Variants in KNOP1 observed in about 807,000 individuals in gnomAD.
KNOP1 encodes the protein lysine-rich nucleolar protein 1.
KNOP1 carries 20 observed loss-of-function variants against 30.6 expected under a neutral mutation model. The observed-to-expected ratio is 0.65, with a 90% confidence interval of 0.46 to 0.95. The LOEUF (loss-of-function observed/expected upper bound fraction) is 0.95, where lower values mean the gene tolerates loss of function less well. KNOP1 is among the 40% of genes least tolerant of loss of function. The pLI is 0.00. For synonymous variants in KNOP1, 204 were observed against 210.0 expected (o/e 0.97, Z 0.25); for missense variants, 540 against 562.0 (o/e 0.96, Z 0.40).
chr16:19,714,883 C>T lies in KNOP1; in HGVS notation c.153G>A (p.Lys51=). The change falls in exon 2 of 5, where the codon AAG becomes AAA. Residue 51 remains lysine (K), a synonymous_variant. Coordinates refer to ENST00000219837, the MANE Select transcript of KNOP1 (RefSeq NM_001012991.3). Reference sequence around the variant, plus strand: ...CAGGTGCCTGCCCATGGGCCACACTCTTAGAGGGGGATGTAGCTCTTAAAG... The same window carrying T: ...CAGGTGCCTGCCCATGGGCCACACTTTTAGAGGGGGATGTAGCTCTTAAAG... ...VSPLRATSPS[K]SVAHGQAPEM... is the part of the protein sequence containing the mutation. 1 of 1,613,938 alleles carries T rather than the reference C, an allele frequency of 6.2e-7. No individual in the cohort carries two copies. The highest frequency in any genetic ancestry group is 8.5e-7 in the Non-Finnish European group (1 of 1,179,980).
In KNOP1 at chr16:19,709,810, G is replaced by C. The variant is rs111692432; in HGVS notation, c.1065+699C>G. ...CAGCCCCTCTCCAGCTCACTGTTCT[G>C]TTTCTTTCTCCTGACCGCTACTGCC... On this transcript the variant is annotated intron_variant, in intron 4 of 4. Coordinates refer to ENST00000219837, the MANE Select transcript of KNOP1 (RefSeq NM_001012991.3). Among the ~76,000 whole-genome samples, 80 of 152,296 alleles carry C rather than the reference G, an allele frequency of 5.3e-4. 1 individual carries two copies. Among genetic ancestry groups the C allele is most frequent in the African/African-American group, 1.9e-3 (77 of 41,564 alleles).
Position 19,714,782 on chromosome 16 carries a change from T to C in KNOP1, c.254A>G (p.Glu85Gly). 6.2e-7 allele frequency: 1 copy of C among 1,614,212 alleles called. No homozygotes were observed. Among genetic ancestry groups the C allele is most frequent in the Admixed American group, 1.7e-5 (1 of 60,026 alleles). The change falls in exon 2 of 5, where the codon GAG becomes GGG. Residue 85 changes from glutamate (E) to glycine (G), a missense_variant. Coordinates refer to ENST00000219837, the MANE Select transcript of KNOP1 (RefSeq NM_001012991.3). ...STLCEEHVEP[E>G]TTLPARRTEK... ...TGTCCGTCTAGCAGGCAGCGTGGTC[T>C]CAGGTTCTACATGCTCCTCGCAAAG...
Position 19,710,509 on chromosome 16 carries a change from C to A in KNOP1, c.1065G>T (p.Thr355=). 1.2e-6 allele frequency: 2 copies of A among 1,613,094 alleles called. No homozygotes were observed. Among genetic ancestry groups the A allele is most frequent in the Non-Finnish European group, 1.7e-6 (2 of 1,180,014 alleles). Residue 355 remains threonine, a splice_region_variant and synonymous_variant, in exon 4 of 5, where the codon ACG becomes ACT. Transcript: ENST00000219837. ...CGCAGAGCCCTAGCCCCAAACTTAC[C>A]GTCCACTTCCTGGTTTCAGAAGCTT... The part of the protein sequence containing the change: ...KTEASETRKW[T]GTQFGQWDTA...
Position 19,704,523 on chromosome 16 carries a change from A to G in KNOP1, c.*2387T>C, listed in dbSNP as rs543591144. The G allele has an allele frequency of 2.0e-5, 3 of 152,246 alleles. No individual in the cohort carries two copies. Among genetic ancestry groups the G allele is most frequent in the Non-Finnish European group, 4.4e-5 (3 of 68,048 alleles). The allele number at this position is 152,246 out of a possible 1,614,324, so 9.4% of individuals were successfully genotyped here. A position where few individuals can be genotyped will look rare whatever the true frequency, so the allele number is the denominator to read the frequency against. On this transcript the variant is annotated 3_prime_UTR_variant, in exon 5 of 5. Transcript: ENST00000219837. ...CAAGAATCGCTTGAACCCAGGAAGCAGAGGTTACAATGAGCCGAGATCACG... is the reference window on the plus strand; with the variant it reads ...CAAGAATCGCTTGAACCCAGGAAGCGGAGGTTACAATGAGCCGAGATCACG...
At chr16:19,711,461 G>A in intron 2 of KNOP1, 21 bp from the exon 3 acceptor site, 1 of 1,613,206 alleles carries the variant, frequency 6.2e-7, no homozygotes, top group Non-Finnish European at 8.5e-7. Flanking sequence ...GGGCAGAGCT[G>A]GCTAAGGTTC....
intron 4 of KNOP1, among the ~76,000 whole-genome samples, chr16:19,709,782 T>C (rs1240743839): frequency 6.6e-6 from 1 of 152,186 alleles, no homozygotes; most frequent in Non-Finnish European, 1.5e-5. Context: ...CGCCCATCTG[T>C]TGCAGCCCCT....
In KNOP1 at chr16:19,714,148, C is replaced by A; in HGVS notation, c.888G>T (p.Glu296Asp). 1 of 1,613,152 alleles carries A rather than the reference C, an allele frequency of 6.2e-7. No individual in the cohort carries two copies. The highest frequency in any genetic ancestry group is 8.5e-7 in the Non-Finnish European group (1 of 1,179,818). ...TCCAAGGGTCTCCTGCTACCCCACT[C>A]TCTTTCCTCTTCTTCTTTTTCTTCC... Reference protein sequence around the residue: ...LKRKKKKKRKESGVAGDPWKE... With the variant: ...LKRKKKKKRKDSGVAGDPWKE... Residue 296 changes from glutamate (E) to aspartate (D), a missense_variant, in exon 2 of 5, where the codon GAG (glutamate) becomes GAT (aspartate). Coordinates refer to ENST00000219837, the MANE Select transcript of KNOP1 (RefSeq NM_001012991.3).
chr16:19,711,866 C>T (rs1441992924), intron 2 of KNOP1: 1 of 189,892 alleles, frequency 5.3e-6, no homozygotes, highest in African/African-American at 2.3e-5. Context: ...CTCCCACCCG[C>T]CTTGGCCCTG....
At chr16:19,713,197 A>G (rs969408815) in intron 2 of KNOP1, among the ~76,000 whole-genome samples, 2 of 151,988 alleles carry the variant, frequency 1.3e-5, no homozygotes, top group Non-Finnish European at 2.9e-5. Context: ...GGTTTAAGCA[A>G]TTCTCGTGCC....
chr16:19,715,517 T>G (rs1000438223), intron 1 of KNOP1: 5 of 150,576 alleles, frequency 3.3e-5, no homozygotes, highest in Non-Finnish European at 2.9e-5. Context: ...TGGGTTCAAG[T>G]GATTCTCCTG....
rs1976189718 is a variant in KNOP1 at position 19,702,197 on chromosome 16, G to A, written c.*4713C>T. On this transcript the variant is annotated 3_prime_UTR_variant, in exon 5 of 5. Transcript: ENST00000219837. Reference sequence around the variant, plus strand: ...GGGGTTTCTCCATGTTGGTCAGGCTGGTCTAGAACTCCTGACCTCAGGTGA... The same window carrying A: ...GGGGTTTCTCCATGTTGGTCAGGCTAGTCTAGAACTCCTGACCTCAGGTGA... The A allele has an allele frequency of 6.6e-6, 1 of 152,112 alleles. No individual in the cohort carries two copies. The highest frequency in any genetic ancestry group is 1.5e-5 in the Non-Finnish European group (1 of 68,034). 9.4% of individuals were successfully genotyped at this position (152,112 alleles called of 1,614,324 possible).
chr16:19,711,510 A>G (rs1415430059), intron 2 of KNOP1, 70 bp from the exon 3 acceptor site: 42 of 1,470,482 alleles, frequency 2.9e-5, no homozygotes. Context: ...GCACCCAGCC[A>G]GGGTGAGACC....
At chr16:19,711,154 C>T (rs1217907234) in intron 3 of KNOP1, among the ~76,000 whole-genome samples, 1 of 152,250 alleles carries the variant, frequency 6.6e-6, no homozygotes, top group African/African-American at 2.4e-5. Context: ...TCGGGCCTCT[C>T]GGCCATGGCC....
intron 4 of KNOP1, among the ~76,000 whole-genome samples, chr16:19,709,793 C>G (rs986829922): frequency 6.6e-6 from 1 of 152,234 alleles, no homozygotes; most frequent in African/African-American, 2.4e-5. Flanking sequence ...TGCAGCCCCT[C>G]TCCAGCTCAC....
intron 1 of KNOP1, chr16:19,717,828 C>G (rs1977258155): frequency 9.8e-7 from 1 of 1,025,502 alleles, no homozygotes; most frequent in African/African-American, 1.7e-5. Context: ...GACTCCAAAG[C>G]CTGTGCAGCA....
rs1209499804 is a variant in KNOP1, at chr16:19,718,170, T to C, written c.-15A>G. The C allele has an allele frequency of 1.0e-5, 15 of 1,478,172 alleles. No homozygotes were observed. The highest frequency in any genetic ancestry group is 1.4e-5 in the African/African-American group (1 of 71,392). The allele number at this position is 1,478,172 out of a possible 1,614,324, so 91.6% of individuals were successfully genotyped here. A position where few individuals can be genotyped will look rare whatever the true frequency, so the allele number is the denominator to read the frequency against. The stretch of plus-strand genomic sequence containing the variant: ...CCCTGGCACTCACCGGTGGGCGAAA[T>C]TTCCCCGCCTCCACGTGAGAGCCAG... On this transcript the variant is annotated 5_prime_UTR_variant, in exon 1 of 5. Coordinates refer to ENST00000219837, the MANE Select transcript of KNOP1 (RefSeq NM_001012991.3).
chr16:19,703,538 T>A lies in KNOP1; in HGVS notation c.*3372A>T, dbSNP rs1273330534. 2 of 152,086 alleles carry A rather than the reference T, an allele frequency of 1.3e-5. No individual in the cohort carries two copies. Among genetic ancestry groups the A allele is most frequent in the Non-Finnish European group, 2.9e-5 (2 of 68,042 alleles). The allele number at this position is 152,086 out of a possible 1,614,324, so 9.4% of individuals were successfully genotyped here. On this transcript the variant is annotated 3_prime_UTR_variant, in exon 5 of 5. Coordinates refer to ENST00000219837, the MANE Select transcript of KNOP1 (RefSeq NM_001012991.3). ...GGGGTGTTATTCTGCCAACTTCTTT[T>A]GTGAGGACTGTGTCTATTTGGCAAA...
chr16:19,713,357 T>C (rs1288687445), intron 2 of KNOP1, among the ~76,000 whole-genome samples: 1 of 152,138 alleles, frequency 6.6e-6, no homozygotes, highest in African/African-American at 2.4e-5. Flanking sequence ...TCTCCCAAAG[T>C]GCTGGGATTA....
intron 2 of KNOP1, among the ~76,000 whole-genome samples, chr16:19,713,734 G>C (rs1315334936): frequency 6.6e-6 from 1 of 152,210 alleles, no homozygotes; most frequent in Non-Finnish European, 1.5e-5. Flanking sequence ...GTTATCTCAT[G>C]TTACTTGGTT....
Sources: allele counts gnomAD v4.1 joint callset (sites outside exome capture counted in the v4.1 genomes callset), GRCh38; gene constraint gnomAD v4.1.1; transcripts MANE v1.5; gene names NCBI Gene and HGNC (gene_info 2026-07-23, HGNC 2026-07-21).